PREX2: variants seen among roughly 807,000 people sequenced by gnomAD.
PREX2 encodes phosphatidylinositol 3,4,5-trisphosphate-dependent Rac exchanger 2 protein.
A neutral mutation model predicts 203.2 loss-of-function variants in PREX2; 107 were observed. That is an observed-to-expected ratio of 0.53 (90% CI 0.45 to 0.62). The LOEUF (loss-of-function observed/expected upper bound fraction) is 0.62, where lower values mean the gene tolerates loss of function less well. PREX2 is among the 20% of genes least tolerant of loss of function. The probability of loss-of-function intolerance (pLI) is 0.00; values close to 1 mark genes in which losing one functional copy is unlikely to be tolerated. For missense variants in PREX2, 1,777 were observed against 1,955.9 expected (o/e 0.91, Z 1.72); for synonymous variants, 672 against 663.6 (o/e 1.01, Z -0.19).
intron 1 of PREX2, among the ~76,000 whole-genome samples, chr8:68,012,759 G>A (rs891553284): frequency 6.6e-6 from 1 of 152,152 alleles, no homozygotes; most frequent in African/African-American, 2.4e-5. Context: ...TATTCTGTAG[G>A]AACAAAGTAA....
intron 10 of PREX2, among the ~76,000 whole-genome samples, chr8:68,060,084 C>T (rs1808802983): frequency 6.6e-6 from 1 of 152,090 alleles, no homozygotes; most frequent in African/African-American, 2.4e-5. Flanking sequence ...CAGAGCAATA[C>T]CTAGATTAGA....
chr8:67,980,704 A>G (rs190048390), intron 1 of PREX2, among the ~76,000 whole-genome samples: 32 of 152,332 alleles, frequency 2.1e-4, no homozygotes, highest in Non-Finnish European at 4.6e-4. Context: ...TACTGTTCTC[A>G]TGATAGTGAG....
At chr8:67,999,662 A>G (rs1395460901) in intron 1 of PREX2, among the ~76,000 whole-genome samples, 6 of 152,104 alleles carry the variant, frequency 3.9e-5, no homozygotes, top group Non-Finnish European at 7.4e-5. Context: ...AGACAACAAA[A>G]AAAGAAAACT....
chr8:68,108,445 T>C lies in PREX2; in HGVS notation c.2938+114T>C. ...CTGGTGTGCAAACAAGCATGAACTT[T>C]TATAAAGGAAGGATTTCTTGCTGTA... On this transcript the variant is annotated intron_variant, in intron 24 of 39. Coordinates refer to ENST00000288368, the MANE Select transcript of PREX2 (RefSeq NM_024870.4). 3 of 689,376 alleles carry C rather than the reference T, an allele frequency of 4.4e-6. No homozygotes were observed. The South Asian group carries it at 5.7e-5, about 13-fold the overall frequency. 42.7% of individuals were successfully genotyped at this position (689,376 alleles called of 1,614,324 possible).
chr8:68,056,221 C>T (rs755712146), intron 10 of PREX2, among the ~76,000 whole-genome samples: 16 of 151,852 alleles, frequency 1.1e-4, no homozygotes, highest in East Asian at 3.9e-4. Flanking sequence ...GTCATGATCC[C>T]GGGGGAAAGT....
intron 35 of PREX2, among the ~76,000 whole-genome samples, chr8:68,182,440 ACTTTC>A (rs1159119795): frequency 1.3e-5 from 2 of 152,096 alleles, no homozygotes; most frequent in Admixed American, 1.3e-4. Context: ...ATTGTTAAAT[ACTTTC>A]CTTTAAGTAT....
At chr8:67,956,139 A>G (rs1426095368) in intron 1 of PREX2, among the ~76,000 whole-genome samples, 1 of 152,216 alleles carries the variant, frequency 6.6e-6, no homozygotes, top group Non-Finnish European at 1.5e-5. Flanking sequence ...TGGGAAATGA[A>G]ATTTTGTGCT....
At chr8:68,179,935 A>G (rs535835530) in intron 35 of PREX2, among the ~76,000 whole-genome samples, 1 of 152,092 alleles carries the variant, frequency 6.6e-6, no homozygotes, top group South Asian at 2.1e-4. Context: ...GTCTCATATC[A>G]TTTACCTCCT....
In PREX2 at chr8:68,159,961, G is replaced by GA. The variant is rs113908745; in HGVS notation, c.4346+2533dup. ...CTATAAGCTGTAAATGGCTCACAAA[G>GA]AAAAAAAATAGTTTTCTTGACTCTA... On this transcript the variant is annotated intron_variant, in intron 35 of 39. Transcript: ENST00000288368. Among the ~76,000 whole-genome samples, 5 of 151,300 alleles carry GA rather than the reference G, an allele frequency of 3.3e-5. 1 individual carries two copies. Among genetic ancestry groups the GA allele is most frequent in the African/African-American group, 9.7e-5 (4 of 41,300 alleles).
In PREX2 at chr8:68,103,432, A is replaced by G. The variant is rs1392464040; in HGVS notation, c.2715+3589A>G. 2.3e-5 allele frequency: 11 copies of G among 469,940 alleles called. No individual in the cohort carries two copies. In the East Asian group the frequency reaches 6.1e-4, roughly 26 times the overall value. The allele number at this position is 469,940 out of a possible 1,614,324, so 29.1% of individuals were successfully genotyped here. A position where few individuals can be genotyped will look rare whatever the true frequency, so the allele number is the denominator to read the frequency against. On this transcript the variant is annotated intron_variant, in intron 23 of 39. Transcript: ENST00000288368. ...TCAATAATTCACGAATTAGCTACCA[A>G]TGCATTAAAAACCTGAAGTTGCATC...
intron 37 of PREX2, among the ~76,000 whole-genome samples, chr8:68,196,732 C>T (rs185965529): frequency 3.3e-5 from 5 of 150,674 alleles, no homozygotes; most frequent in African/African-American, 9.9e-5. Context: ...CCTCCCCCCC[C>T]CAACTCTCTC....
At chr8:68,102,645 A>G (rs1188265198) in intron 23 of PREX2, among the ~76,000 whole-genome samples, 1 of 152,096 alleles carries the variant, frequency 6.6e-6, no homozygotes, top group South Asian at 2.1e-4. Flanking sequence ...AGGCTTTAAC[A>G]CTCTTCTTTT....
At chr8:68,113,948 A>G (rs1006642999) in intron 25 of PREX2, among the ~76,000 whole-genome samples, 2 of 152,018 alleles carry the variant, frequency 1.3e-5, no homozygotes, top group African/African-American at 4.8e-5. Context: ...TGCAACCTCC[A>G]TCTCCAGGGT....
chr8:68,138,031 A>T (rs192003951), intron 32 of PREX2, among the ~76,000 whole-genome samples: 5 of 152,312 alleles, frequency 3.3e-5, no homozygotes, highest in Admixed American at 2.6e-4. Flanking sequence ...TTTAAATAAA[A>T]CAACATTTTT....
At chr8:68,049,582 C>A (rs1328686612) in intron 8 of PREX2, among the ~76,000 whole-genome samples, 1 of 152,052 alleles carries the variant, frequency 6.6e-6, no homozygotes, top group African/African-American at 2.4e-5. Context: ...TTGTTCAGGT[C>A]TGTCCCTTGG....
At chr8:68,136,753 G>T (rs144518515) in intron 32 of PREX2, among the ~76,000 whole-genome samples, 3 of 152,210 alleles carry the variant, frequency 2.0e-5, no homozygotes, top group African/African-American at 4.8e-5. Flanking sequence ...AGGTACAAAG[G>T]TGACAGTTCT....
chr8:68,066,766 GC>G (rs1018462621), intron 11 of PREX2, among the ~76,000 whole-genome samples: 6 of 151,898 alleles, frequency 4.0e-5, no homozygotes, highest in African/African-American at 1.4e-4. Flanking sequence ...TGCCTTTGTT[GC>G]CCGTACTTTT....
At chr8:68,125,165 G>C (rs192730942) in intron 30 of PREX2, among the ~76,000 whole-genome samples, 59 of 152,214 alleles carry the variant, frequency 3.9e-4, no homozygotes, top group Middle Eastern at 3.4e-3. Context: ...CTTGTTATGT[G>C]GAGGCACTCT....
Position 67,952,592 on chromosome 8 carries a change from G to A in PREX2, c.141+57G>A, listed in dbSNP as rs749326607. ...CCGGGCGGCGCGGGGCGCGGGTCCC[G>A]GAGTGGCTGCGGGAAGGACGCGCGG... On this transcript the variant is annotated intron_variant, in intron 1 of 39. Transcript: ENST00000288368. 5.0e-5 allele frequency: 79 copies of A among 1,575,522 alleles called. 1 individual carries two copies. The South Asian group carries it at 9.2e-4, about 18-fold the overall frequency.
Sources: allele counts gnomAD v4.1 joint callset (sites outside exome capture counted in the v4.1 genomes callset), GRCh38; gene constraint gnomAD v4.1.1; transcripts MANE v1.5; gene names NCBI Gene and HGNC (gene_info 2026-07-23, HGNC 2026-07-21).